Variants in PLXNB1 observed in about 807,000 individuals in gnomAD.
PLXNB1 encodes plexin-B1.
In PLXNB1, 106 loss-of-function variants were observed where a neutral mutation model predicts 209.4. The observed-to-expected ratio is 0.51, with a 90% CI of 0.43 to 0.59. The LOEUF is 0.59. PLXNB1 is among the 20% of genes least tolerant of loss of function. PLXNB1 has a pLI of 0.00. For missense variants in PLXNB1, 2,357 were observed against 2,853.2 expected (o/e 0.83, Z 3.96); for synonymous variants, 1,167 against 1,183.2 (o/e 0.99, Z 0.28).
Position 48,407,056 on chromosome 3 carries a change from G to A in PLXNB1, c.6123C>T (p.Asp2041=), listed in dbSNP as rs376211982. The A allele has an allele frequency of 6.2e-7, 1 of 1,614,094 alleles. No homozygotes were observed. The highest frequency in any genetic ancestry group is 1.3e-5 in the African/African-American group (1 of 75,002). ...CCACCATCCGCTTGTACCGGGGAAT[G>A]TCCCGTGCATACAGAAGTTTGTTGA... ...SPINKLLYAR[D]IPRYKRMVER... is the part of the protein sequence containing the mutation. The change falls in exon 35 of 38, where the codon GAC becomes GAT. Residue 2041 remains aspartate (D), a synonymous_variant. Transcript: ENST00000296440.
chr3:48,423,084 C>G, intron 3 of PLXNB1, 137 bp from the exon 4 acceptor site: 1 of 721,506 alleles, frequency 1.4e-6, no homozygotes, highest in Non-Finnish European at 2.3e-6. Flanking sequence ...TGCTGGCCCT[C>G]CTGGGACAAT....
In PLXNB1 at chr3:48,413,247, A is replaced by C. The variant is rs1164974250; in HGVS notation, c.4536-78T>G. 26 of 1,131,684 alleles carry C rather than the reference A, an allele frequency of 2.3e-5. No homozygotes were observed. The East Asian group carries it at 5.9e-4, about 26-fold the overall frequency. The allele number at this position is 1,131,684 out of a possible 1,614,324, so 70.1% of individuals were successfully genotyped here. A position where few individuals can be genotyped will look rare whatever the true frequency, so the allele number is the denominator to read the frequency against. Reference sequence around the variant, plus strand: ...GGCCTGCCTGACAATCCCCAGGCACACCCCGGCCTCATCCAGCACAGTCCA... The same window carrying C: ...GGCCTGCCTGACAATCCCCAGGCACCCCCCGGCCTCATCCAGCACAGTCCA... On this transcript the variant is annotated intron_variant, in intron 23 of 37. Transcript: ENST00000296440. The surrounding 1 kb of genome is among the most constrained non-coding windows in gnomAD (Gnocchi z 5.4).
In PLXNB1 at chr3:48,412,378, A is replaced by G. The variant is rs1575385528; in HGVS notation, c.5033+64T>C. On this transcript the variant is annotated intron_variant, in intron 26 of 37. Transcript: ENST00000296440. ...GGCCTCTCTATCCTGCAGACCCCCC[A>G]GCCCGAGGCCCCACCCCAGCTCCAG... 3.1e-6 allele frequency: 5 copies of G among 1,611,050 alleles called. No individual in the cohort carries two copies. The South Asian group carries it at 5.5e-5, about 18-fold the overall frequency.
At position 48,404,481 on chromosome 3, in the gene PLXNB1, G is replaced by C. The variant is rs1457783367; in HGVS notation, c.*5C>G. 8 of 1,600,774 alleles carry C rather than the reference G, an allele frequency of 5.0e-6. No individual in the cohort carries two copies. In the African/African-American group the frequency reaches 8.0e-5, roughly 16 times the overall value. On this transcript the variant is annotated 3_prime_UTR_variant, in exon 38 of 38. Coordinates refer to ENST00000296440, the MANE Select transcript of PLXNB1 (RefSeq NM_001130082.3). The stretch of plus-strand genomic sequence containing the variant: ...AAGCAACAGCAGGCCGTGGCTCCTG[G>C]GTTCCTATAGATCTGTGACCTTGTT...
rs79922382 is a variant in PLXNB1, at chr3:48,409,714, G to A, written c.5796C>T (p.Phe1932=). 3,519 of 1,613,646 alleles carry A rather than the reference G, an allele frequency of 2.2e-3. 63 individuals are homozygous for A. In the African/African-American group the frequency reaches 0.042, roughly 19 times the overall value. ...LLSMKGTLQK[F]VDDLFQVILS... is the part of the protein sequence containing the mutation. ...GAATCACCTGGAACAGGTCATCCAC[G>A]AACTTCTGCAGGGTGCCCTGTGGGA... Residue 1932 remains phenylalanine, a synonymous_variant, in exon 33 of 38, where the codon TTC becomes TTT. Coordinates refer to ENST00000296440, the MANE Select transcript of PLXNB1 (RefSeq NM_001130082.3). This position sits in a 1 kb window ranked among gnomAD's most constrained non-coding sequence, Gnocchi z 5.8.
intron 1 of PLXNB1, among the ~76,000 whole-genome samples, chr3:48,428,977 T>C (rs2039041909): frequency 6.6e-6 from 1 of 151,970 alleles, no homozygotes. Flanking sequence ...ACCCCATCAC[T>C]GGCCCTGGGA....
Position 48,415,226 on chromosome 3 carries a change from C to G in PLXNB1, c.3916G>C (p.Val1306Leu), listed in dbSNP as rs144825092. Residue 1306 changes from valine to leucine, a missense_variant, in exon 20 of 38, where the codon GTG becomes CTG. Coordinates refer to ENST00000296440, the MANE Select transcript of PLXNB1 (RefSeq NM_001130082.3). The surrounding 1 kb of genome is among the most constrained non-coding windows in gnomAD (Gnocchi z 5.0). ...AGGGAACATGCCGTCTCCGGGACCA[C>G]GCGACGCCTCCGTCCAAGCCCCTGG... ...PSQGLGRRRR[V>L]VPETACSLGP... 3 of 1,613,482 alleles carry G rather than the reference C, an allele frequency of 1.9e-6. No individual in the cohort carries two copies. The Admixed American group carries it at 5.0e-5, about 27-fold the overall frequency.
Position 48,409,961 on chromosome 3 carries a change from G to A in PLXNB1, c.5722C>T (p.Arg1908Cys), listed in dbSNP as rs1331392518. The A allele has an allele frequency of 2.5e-6, 4 of 1,611,724 alleles. No homozygotes were observed. The highest frequency in any genetic ancestry group is 3.4e-6 in the Non-Finnish European group (4 of 1,179,364). Reference protein sequence around the residue: ...PRRGSLRGGERERAKAIPEIY... With the variant: ...PRRGSLRGGECERAKAIPEIY... Reference sequence around the variant, plus strand: ...TCAGGGATGGCCTTGGCGCGCTCACGCTCCCCGCCCCGAAGGCTGCCCCTC... The same window carrying A: ...TCAGGGATGGCCTTGGCGCGCTCACACTCCCCGCCCCGAAGGCTGCCCCTC... Residue 1908 changes from arginine (R) to cysteine (C), a missense_variant, in exon 32 of 38, where the codon CGT becomes TGT. By Grantham distance (180) the Arg-to-Cys change is radical. Coordinates refer to ENST00000296440, the MANE Select transcript of PLXNB1 (RefSeq NM_001130082.3). The surrounding 1 kb of genome is among the most constrained non-coding windows in gnomAD (Gnocchi z 5.8).
rs775913728 is a variant in PLXNB1, at chr3:48,413,090, G to A, written c.4615C>T (p.Arg1539Cys). Residue 1539 changes from arginine (R) to cysteine (C), a missense_variant, in exon 24 of 38, where the codon CGC becomes TGC. Around this residue, in one of 7 missense-constraint regions of PLXNB1, gnomAD observed 743 missense variants for 896.2 expected, o/e 0.83. Coordinates refer to ENST00000296440, the MANE Select transcript of PLXNB1 (RefSeq NM_001130082.3). The surrounding 1 kb of genome is among the most constrained non-coding windows in gnomAD (Gnocchi z 5.4). The stretch of plus-strand genomic sequence containing the variant: ...ACACCTGTGAATTCCTTCTTGCAGC[G>A]GTCCCGCACACTGCTCTCCAGATTC... ...LENLESSVRDRCKKEFTDLMT... is the reference protein window; with the variant it reads ...LENLESSVRDCCKKEFTDLMT... The A allele has an allele frequency of 3.1e-6, 5 of 1,613,686 alleles. No individual in the cohort carries two copies. The highest frequency in any genetic ancestry group is 4.5e-5 in the East Asian group (2 of 44,892).
chr3:48,418,662 T>G lies in PLXNB1; in HGVS notation c.2956-120A>C. 2.1e-6 allele frequency: 2 copies of G among 959,398 alleles called. No homozygotes were observed. Among genetic ancestry groups the G allele is most frequent in the Non-Finnish European group, 3.2e-6 (2 of 626,562 alleles). The allele number at this position is 959,398 out of a possible 1,614,324, so 59.4% of individuals were successfully genotyped here. A position where few individuals can be genotyped will look rare whatever the true frequency, so the allele number is the denominator to read the frequency against. ...GGAGCATAGGGTCAGAGGGACCCCATGGGGCCACAAGTTGGAGGGCAGAGC... is the reference window on the plus strand; with the variant it reads ...GGAGCATAGGGTCAGAGGGACCCCAGGGGGCCACAAGTTGGAGGGCAGAGC... On this transcript the variant is annotated intron_variant, in intron 13 of 37. Coordinates refer to ENST00000296440, the MANE Select transcript of PLXNB1 (RefSeq NM_001130082.3). This position sits in a 1 kb window ranked among gnomAD's most constrained non-coding sequence, Gnocchi z 6.6.
Position 48,416,188 on chromosome 3 carries a change from G to A in PLXNB1, c.3481-21C>T, listed in dbSNP as rs1288599612. 1 of 1,596,134 alleles carries A rather than the reference G, an allele frequency of 6.3e-7. No homozygotes were observed. Among genetic ancestry groups the A allele is most frequent in the East Asian group, 2.3e-5 (1 of 43,880 alleles). ...GGATCCTGTGGGACAGACAGGGAGA[G>A]AGATGAGCATCAGACCAGACACATG... On this transcript the variant is annotated intron_variant, in intron 17 of 37. Coordinates refer to ENST00000296440, the MANE Select transcript of PLXNB1 (RefSeq NM_001130082.3). This position sits in a 1 kb window ranked among gnomAD's most constrained non-coding sequence, Gnocchi z 4.1.
Position 48,411,069 on chromosome 3 carries a change from A to G in PLXNB1, c.5248-33T>C. 2 of 1,585,286 alleles carry G rather than the reference A, an allele frequency of 1.3e-6. No homozygotes were observed. The highest frequency in any genetic ancestry group is 2.3e-5 in the East Asian group (1 of 44,292). Reference sequence around the variant, plus strand: ...GGACACACAGGAGCCATCAGGGTTCATGTGCACTCAGGATGACCAAGACAC... The same window carrying G: ...GGACACACAGGAGCCATCAGGGTTCGTGTGCACTCAGGATGACCAAGACAC... On this transcript the variant is annotated intron_variant, in intron 28 of 37. Transcript: ENST00000296440. This position sits in a 1 kb window ranked among gnomAD's most constrained non-coding sequence, Gnocchi z 4.0.
In PLXNB1 at chr3:48,409,435, T is replaced by G. The variant is rs749383784; in HGVS notation, c.5981A>C (p.Gln1994Pro). Residue 1994 changes from glutamine (Q) to proline (P), a missense_variant, in exon 34 of 38, where the codon CAG (glutamine) becomes CCG (proline). Gln to Pro is a moderately conservative substitution (Grantham distance 76). Coordinates refer to ENST00000296440, the MANE Select transcript of PLXNB1 (RefSeq NM_001130082.3). The surrounding 1 kb of genome is among the most constrained non-coding windows in gnomAD (Gnocchi z 5.8). ...RFWINIIKNP[Q>P]FVFDVQTSDN... ...AGATGTTTGCACGTCGAACACAAAC[T>G]GCGGGTTTTTTATTATATTGATCCA... 1 of 1,614,136 alleles carries G rather than the reference T, an allele frequency of 6.2e-7. No homozygotes were observed. The highest frequency in any genetic ancestry group is 8.5e-7 in the Non-Finnish European group (1 of 1,180,024).
rs757027746 is a variant in PLXNB1, at chr3:48,417,882, C to T, written c.3374+29G>A. On this transcript the variant is annotated intron_variant, in intron 16 of 37. Coordinates refer to ENST00000296440, the MANE Select transcript of PLXNB1 (RefSeq NM_001130082.3). This position sits in a 1 kb window ranked among gnomAD's most constrained non-coding sequence, Gnocchi z 4.4. ...CAACCGCGGAGGCCCCAGGCTGCGC[C>T]GTGCTCCTGCTGGGTGCAGCCAGCT... The T allele has an allele frequency of 2.3e-5, 36 of 1,590,876 alleles. No individual in the cohort carries two copies. The highest frequency in any genetic ancestry group is 2.7e-5 in the Non-Finnish European group (31 of 1,165,640).
chr3:48,416,512 T>A lies in PLXNB1; in HGVS notation c.3375-61A>T. On this transcript the variant is annotated intron_variant, in intron 16 of 37. Transcript: ENST00000296440. This position sits in a 1 kb window ranked among gnomAD's most constrained non-coding sequence, Gnocchi z 4.1. ...GCATCAAGGGCCCCTCAAGCTTACC[T>A]GGCAGCCCCTCTCCCTGCCCTACTG... 8.8e-7 allele frequency: 1 copy of A among 1,130,956 alleles called. No homozygotes were observed. The highest frequency in any genetic ancestry group is 1.3e-6 in the Non-Finnish European group (1 of 769,418). 70.1% of individuals were successfully genotyped at this position (1,130,956 alleles called of 1,614,324 possible).
At chr3:48,423,363 T>C (rs943596207) in intron 3 of PLXNB1, 142 bp downstream of exon 3, 61 of 905,722 alleles carry the variant, frequency 6.7e-5, no homozygotes, top group Admixed American at 1.8e-4. Context: ...CCAGGCAACA[T>C]AGGAAGCACT....
intron 37 of PLXNB1, among the ~76,000 whole-genome samples, chr3:48,404,914 T>C (rs1007640968): frequency 2.6e-5 from 4 of 152,076 alleles, no homozygotes; most frequent in African/African-American, 9.7e-5. Flanking sequence ...GTCTGCCCGG[T>C]GCCAGACAAG....
At position 48,423,609 on chromosome 3, in the gene PLXNB1, G is replaced by A. The variant is rs373706977; in HGVS notation, c.1003C>T (p.Arg335Cys). The A allele has an allele frequency of 1.1e-5, 17 of 1,614,074 alleles. No individual in the cohort carries two copies. The African/African-American group carries it at 1.1e-4, about 10-fold the overall frequency. ...CGGGTGTAGCAGGCATCTCGCGTGCGATTAGCAAGCCGGTCCACCTCATCC... is the reference window on the plus strand; with the variant it reads ...CGGGTGTAGCAGGCATCTCGCGTGCAATTAGCAAGCCGGTCCACCTCATCC... ...PLDEVDRLAN[R>C]TRDACYTREG... The change falls in exon 3 of 38, where the codon CGC becomes TGC. Residue 335 changes from arginine (R) to cysteine (C), a missense_variant. Around this residue, in one of 7 missense-constraint regions of PLXNB1, gnomAD observed 404 missense variants for 443.6 expected, o/e 0.91. Transcript: ENST00000296440.
rs373992924 is a variant in PLXNB1 at position 48,419,843 on chromosome 3, G to A, written c.2443C>T (p.Pro815Ser). 196 of 1,575,748 alleles carry A rather than the reference G, an allele frequency of 1.2e-4. No individual in the cohort carries two copies. The highest frequency in any genetic ancestry group is 1.5e-4 in the Non-Finnish European group (175 of 1,159,376). ...PGPEALHPTV[P>S]LDLPPATVPA... is the part of the protein sequence containing the mutation. The stretch of plus-strand genomic sequence containing the variant: ...ACAGTGGCAGGGGGCAGGTCCAGGG[G>A]CACTGTGGGATGAAGAGCCTCGGGG... The change falls in exon 11 of 38, where the codon CCC (proline) becomes TCC (serine). Residue 815 changes from proline to serine, a missense_variant. Transcript: ENST00000296440. This position sits in a 1 kb window ranked among gnomAD's most constrained non-coding sequence, Gnocchi z 5.7.
Sources: allele counts gnomAD v4.1 joint callset (sites outside exome capture counted in the v4.1 genomes callset), GRCh38; gene constraint gnomAD v4.1.1; regional missense constraint gnomAD v4.1.1; non-coding constraint Gnocchi (gnomAD v3.1); transcripts MANE v1.5; gene names NCBI Gene and HGNC (gene_info 2026-07-23, HGNC 2026-07-21).